The following ZFAT variants were observed in gnomAD, a reference collection of about 807,000 sequenced individuals.
ZFAT encodes zinc finger protein ZFAT.
ZFAT carries 64 observed loss-of-function variants against 117.7 expected under a neutral mutation model. That is an observed-to-expected ratio of 0.54 (90% CI 0.44 to 0.67). The LOEUF is 0.67. ZFAT is among the 30% of genes least tolerant of loss of function. The probability of loss-of-function intolerance (pLI) is 0.00; values close to 1 mark genes in which losing one functional copy is unlikely to be tolerated. For missense variants in ZFAT, 1,433 were observed against 1,584.5 expected, an observed-to-expected ratio of 0.90 and a Z score of 1.62; for synonymous variants, 679 against 615.0, an observed-to-expected ratio of 1.10 and a Z score of -1.54.
chr8:134,647,594 TG>T (rs1230798334), intron 2 of ZFAT, among the ~76,000 whole-genome samples: 25 of 152,318 alleles, frequency 1.6e-4, no homozygotes, highest in African/African-American at 6.0e-4. Flanking sequence ...TGTCTCTGTT[TG>T]TAGATGACAT....
chr8:134,670,308 A>G (rs1832492001), intron 1 of ZFAT, among the ~76,000 whole-genome samples: 2 of 152,266 alleles, frequency 1.3e-5, no homozygotes, highest in African/African-American at 4.8e-5. Context: ...CATTCTTCTC[A>G]GCACCACATC....
chr8:134,735,785 A>G, the ZFAT span, among the ~76,000 whole-genome samples: 2 of 152,196 alleles, frequency 1.3e-5, no homozygotes, highest in South Asian at 4.1e-4. Flanking sequence ...ACAGTATTAT[A>G]CCATTTCCAC....
chr8:134,649,781 C>A (rs1831124676), intron 2 of ZFAT, among the ~76,000 whole-genome samples: 1 of 152,138 alleles, frequency 6.6e-6, no homozygotes, highest in Non-Finnish European at 1.5e-5. Flanking sequence ...TGGCAGTAGT[C>A]TCTAAATGGA....
chr8:134,602,648 G>A lies in ZFAT; in HGVS notation c.1071C>T (p.Arg357=). The part of the protein sequence containing the change: ...RVHKKIKQHC[R]FCKKKYSDVK... ...CGTCAGAGTACTTCTTCTTGCAGAA[G>A]CGGCAGTGCTGCTTGATCTTCTTGT... The change falls in exon 6 of 16, where the codon CGC becomes CGT. Residue 357 remains arginine, a synonymous_variant. Coordinates refer to ENST00000377838, the MANE Select transcript of ZFAT (RefSeq NM_020863.4). The A allele has an allele frequency of 1.9e-6, 3 of 1,614,208 alleles. No individual in the cohort carries two copies. The highest frequency in any genetic ancestry group is 1.7e-6 in the Non-Finnish European group (2 of 1,180,048).
At chr8:134,770,679 G>A in the ZFAT span, among the ~76,000 whole-genome samples, 2,930 of 152,340 alleles carry the variant, frequency 0.019, 79 homozygotes, top group African/African-American at 0.067. Flanking sequence ...GACCGCCGGT[G>A]AGCCAGGTGG....
chr8:134,626,608 C>G (rs889431909), intron 3 of ZFAT, among the ~76,000 whole-genome samples: 1 of 152,216 alleles, frequency 6.6e-6, no homozygotes, highest in African/African-American at 2.4e-5. Context: ...TGGGATTCCA[C>G]GGATCTCTGG....
intron 15 of ZFAT, among the ~76,000 whole-genome samples, chr8:134,501,030 A>C (rs1181214751): frequency 2.6e-5 from 4 of 152,250 alleles, no homozygotes; most frequent in African/African-American, 7.2e-5. Context: ...CGTGCAGCTG[A>C]AAAGTGGTTG....
chr8:134,690,405 T>A (rs1161205525), intron 1 of ZFAT, among the ~76,000 whole-genome samples: 1 of 152,216 alleles, frequency 6.6e-6, no homozygotes, highest in African/African-American at 2.4e-5. Flanking sequence ...TGCTCAGGGA[T>A]CCTGAGGTCT....
Position 134,594,613 on chromosome 8 carries a change from C to T in ZFAT, c.2476-4258G>A, listed in dbSNP as rs191176563. ...TATTCCTCTTCTTCATTCTCCTCCT[C>T]CTACTAAAAAGGAGGATTAGAAGGA... On this transcript the variant is annotated intron_variant, in intron 7 of 15. Transcript: ENST00000377838. Among the ~76,000 whole-genome samples the T allele has an allele frequency of 5.1e-3, 772 of 152,296 alleles. 5 individuals carry two copies. Among genetic ancestry groups the T allele is most frequent in the Non-Finnish European group, 8.7e-3 (595 of 68,028 alleles).
intron 5 of ZFAT, among the ~76,000 whole-genome samples, chr8:134,604,638 C>G (rs1295941600): frequency 6.6e-6 from 1 of 152,198 alleles, no homozygotes; most frequent in African/African-American, 2.4e-5. Context: ...AACCAGATAC[C>G]ATTCAACTGT....
the ZFAT span, among the ~76,000 whole-genome samples, chr8:134,768,174 A>T: frequency 2.0e-5 from 3 of 151,744 alleles, no homozygotes; most frequent in African/African-American, 7.3e-5. Flanking sequence ...TTCCAACAGC[A>T]CGTGCTCGCT....
intron 12 of ZFAT, among the ~76,000 whole-genome samples, chr8:134,530,378 A>G (rs561143180): frequency 4.5e-4 from 68 of 152,324 alleles, no homozygotes; most frequent in African/African-American, 1.6e-3. Flanking sequence ...AAACAATTCA[A>G]CATTTCCAAA....
At chr8:134,773,872 G>A in the ZFAT span, among the ~76,000 whole-genome samples, 9 of 151,924 alleles carry the variant, frequency 5.9e-5, no homozygotes, top group African/African-American at 1.7e-4. Context: ...GTGATTTCCC[G>A]AGTTGGAAAC....
At chr8:134,642,834 G>C (rs16905211) in intron 2 of ZFAT, among the ~76,000 whole-genome samples, 15,905 of 152,236 alleles carry the variant, frequency 0.1, 1,132 homozygotes, top group East Asian at 0.31. Context: ...TCTCCCTGAC[G>C]TTTATTTCCA....
At position 134,674,966 on chromosome 8, in the gene ZFAT, G is replaced by A. The variant is rs560754020; in HGVS notation, c.20-17229C>T. 2.6e-5 allele frequency: 4 copies of A among 152,490 alleles called. No homozygotes were observed. The East Asian group carries it at 7.7e-4, about 29-fold the overall frequency. 9.4% of individuals were successfully genotyped at this position (152,490 alleles called of 1,614,324 possible). A position where few individuals can be genotyped will look rare whatever the true frequency, so the allele number is the denominator to read the frequency against. On this transcript the variant is annotated intron_variant, in intron 1 of 15. Transcript: ENST00000377838. ...TAGTATCAGCATCACCAACATCAAA[G>A]ACCAAAGGTAGGTAAATCAACGAAG...
intron 2 of ZFAT, among the ~76,000 whole-genome samples, chr8:134,652,597 T>C (rs1425891981): frequency 6.6e-6 from 1 of 152,156 alleles, no homozygotes; most frequent in East Asian, 1.9e-4. Flanking sequence ...TACAAATCAA[T>C]AAAGAGCAAA....
intron 5 of ZFAT, among the ~76,000 whole-genome samples, chr8:134,606,925 T>C (rs1201161584): frequency 6.6e-6 from 1 of 152,192 alleles, no homozygotes; most frequent in East Asian, 1.9e-4. Context: ...AAATTTTTTA[T>C]ATAATAACTC....
At chr8:134,515,571 C>T (rs1348490626) in intron 13 of ZFAT, among the ~76,000 whole-genome samples, 1 of 152,168 alleles carries the variant, frequency 6.6e-6, no homozygotes, top group Non-Finnish European at 1.5e-5. Context: ...TGATGATGAG[C>T]TTTTTTTCAT....
the ZFAT span, among the ~76,000 whole-genome samples, chr8:134,780,198 C>T: frequency 2.6e-5 from 4 of 152,282 alleles, no homozygotes; most frequent in Admixed American, 2.6e-4. Context: ...TTCTTCAATT[C>T]TACATGCTTT....
Sources: allele counts gnomAD v4.1 joint callset (sites outside exome capture counted in the v4.1 genomes callset), GRCh38; gene constraint gnomAD v4.1.1; transcripts MANE v1.5; gene names NCBI Gene and HGNC (gene_info 2026-07-23, HGNC 2026-07-21).